The following CD300C variants were observed in gnomAD, a reference collection of about 807,000 sequenced individuals.
CD300C encodes the protein CMRF35-like molecule 6.
A neutral mutation model predicts 18.4 loss-of-function variants in CD300C; 11 were observed. The observed-to-expected ratio is 0.60, with a 90% CI of 0.38 to 0.99. The LOEUF is 0.99. CD300C is among the 50% of genes least tolerant of loss of function. The pLI, the probability that CD300C is intolerant of heterozygous loss-of-function variation, is 0.01. For missense variants in CD300C, 277 were observed against 287.4 expected, an observed-to-expected ratio of 0.96 and a Z score of 0.26; for synonymous variants, 116 against 116.3, an observed-to-expected ratio of 1.00 and a Z score of 0.02.
At chr17:74,535,929 CAT>C in the CD300C span, among the ~76,000 whole-genome samples, 1 of 152,060 alleles carries the variant, frequency 6.6e-6, no homozygotes, top group Admixed American at 6.6e-5. Context: ...TCCAAGCAGA[CAT>C]AGAAATAAAC....
rs1312098540 is a variant in CD300C, at chr17:74,542,907, G to A, written c.481C>T (p.Pro161Ser). The A allele has an allele frequency of 6.2e-7, 1 of 1,611,848 alleles. No individual in the cohort carries two copies. Among genetic ancestry groups the A allele is most frequent in the South Asian group, 1.1e-5 (1 of 91,044 alleles). The change falls in exon 3 of 4, where the codon CCC (proline) becomes TCC (serine). Residue 161 changes from proline to serine, a missense_variant. Physicochemically the swap from Pro to Ser is moderately conservative, Grantham distance 74. Transcript: ENST00000330793. The stretch of plus-strand genomic sequence containing the variant: ...GGGCTGTCCTTTCTGGTCACGCTGG[G>A]CCAGGTGTGCACGGGCAGCTTCGTG... ...PPTKLPVHTW[P>S]SVTRKDSPEP...
At chr17:74,539,451 T>C (rs1908475884), downstream of CD300C, among the ~76,000 whole-genome samples, 1 of 152,116 alleles carries the variant, frequency 6.6e-6, no homozygotes. Flanking sequence ...TGACCTGGTC[T>C]CCCCTTCTGC....
rs1010942634 is a variant in CD300C, at chr17:74,541,308, G to C, written c.*281C>G. On this transcript the variant is annotated 3_prime_UTR_variant, in exon 4 of 4. Coordinates refer to ENST00000330793, the MANE Select transcript of CD300C (RefSeq NM_006678.5). The stretch of plus-strand genomic sequence containing the variant: ...TGCCAGGCTCCTGGAGAAATGGAAG[G>C]GTGCAGGGAGGGCATCCGGGCACTC... 2.9e-6 allele frequency: 1 copy of C among 346,046 alleles called. No individual in the cohort carries two copies. The highest frequency in any genetic ancestry group is 2.1e-5 in the African/African-American group (1 of 48,142). 21.4% of individuals were successfully genotyped at this position (346,046 alleles called of 1,614,324 possible). A position where few individuals can be genotyped will look rare whatever the true frequency, so the allele number is the denominator to read the frequency against.
chr17:74,544,591 A>C lies in CD300C; in HGVS notation c.400+18T>G, dbSNP rs1908680802. 1 of 1,599,116 alleles carries C rather than the reference A, an allele frequency of 6.3e-7. No homozygotes were observed. Among genetic ancestry groups the C allele is most frequent in the African/African-American group, 1.3e-5 (1 of 74,718 alleles). ...CTAGGCTCAGGCAGGCCTGGTGCTG[A>C]GAAAAGGAGGGGCTCACCCGGGAAC... is the stretch of plus-strand genomic sequence containing the variant. On this transcript the variant is annotated intron_variant, in intron 2 of 3. Coordinates refer to ENST00000330793, the MANE Select transcript of CD300C (RefSeq NM_006678.5).
In CD300C at chr17:74,542,878, T is replaced by C; in HGVS notation, c.510A>G (p.Glu170=). The C allele has an allele frequency of 6.2e-7, 1 of 1,608,212 alleles. No homozygotes were observed. The highest frequency in any genetic ancestry group is 8.5e-7 in the Non-Finnish European group (1 of 1,179,946). ...WPSVTRKDSP[E]PSPHPGSLFS... ...CACCTTACCCAGGGTGTGGGCTGGGTTCGGGGCTGTCCTTTCTGGTCACGC... is the reference window on the plus strand; with the variant it reads ...CACCTTACCCAGGGTGTGGGCTGGGCTCGGGGCTGTCCTTTCTGGTCACGC... Residue 170 remains glutamate (E), a synonymous_variant, in exon 3 of 4, where the codon GAA becomes GAG. Coordinates refer to ENST00000330793, the MANE Select transcript of CD300C (RefSeq NM_006678.5).
chr17:74,543,012 T>TTGA (rs776789492), intron 2 of CD300C, 25 bp from the exon 3 acceptor site: 239 of 1,612,512 alleles, frequency 1.5e-4, no homozygotes, highest in Non-Finnish European at 1.9e-4. Context: ...CAGGTCAACC[T>TTGA]TGATGACATC....
At chr17:74,545,389 TGA>T (rs1344354290) in intron 1 of CD300C, among the ~76,000 whole-genome samples, 1 of 151,838 alleles carries the variant, frequency 6.6e-6, no homozygotes, top group South Asian at 2.1e-4. Context: ...TGAGACTGTG[TGA>T]GTGTGACCGT....
At chr17:74,543,133 C>A in intron 2 of CD300C, 146 bp from the exon 3 acceptor site, 2 of 1,061,910 alleles carry the variant, frequency 1.9e-6, no homozygotes, top group East Asian at 4.9e-5. Context: ...CGGCCACACC[C>A]AGGCCTGACC....
Position 74,545,843 on chromosome 17 carries a change from C to G in CD300C, c.-61G>C. The stretch of plus-strand genomic sequence containing the variant: ...ACCCCAGGAGGGGACAAAATGTAAT[C>G]TCCTCCCAGCAGATCTGAGCTTCGC... On this transcript the variant is annotated 5_prime_UTR_variant, in exon 1 of 4. Transcript: ENST00000330793. The G allele has an allele frequency of 7.8e-7, 1 of 1,282,394 alleles. No homozygotes were observed. The highest frequency in any genetic ancestry group is 1.1e-6 in the Non-Finnish European group (1 of 898,980). 79.4% of individuals were successfully genotyped at this position (1,282,394 alleles called of 1,614,324 possible). A position where few individuals can be genotyped will look rare whatever the true frequency, so the allele number is the denominator to read the frequency against.
At chr17:74,544,342 C>G (rs1302338231) in intron 2 of CD300C, among the ~76,000 whole-genome samples, 1 of 152,198 alleles carries the variant, frequency 6.6e-6, no homozygotes, top group Non-Finnish European at 1.5e-5. Flanking sequence ...AGCGGGGGGT[C>G]TCCAGCCACA....
rs146418916 is a variant in CD300C at position 74,544,759 on chromosome 17, T to G, written c.250A>C (p.Ile84Leu). Residue 84 changes from isoleucine to leucine, a missense_variant, in exon 2 of 4, where the codon ATC becomes CTC. Physicochemically the swap from Ile to Leu is conservative, Grantham distance 5. Coordinates refer to ENST00000330793, the MANE Select transcript of CD300C (RefSeq NM_006678.5). ...CTGAGGTTTGCAGGACTGTCCCTGA[T>G]GGACACTCGGCCATTCCTTTTCCCT... ...SAGKRNGRVS[I>L]RDSPANLSFT... is the part of the protein sequence containing the mutation. 1.2e-5 allele frequency: 19 copies of G among 1,614,144 alleles called. No individual in the cohort carries two copies. In the Admixed American group the frequency reaches 1.3e-4, roughly 11 times the overall value.
intron 3 of CD300C, 45 bp downstream of exon 3, chr17:74,542,816 G>A (rs764762174): frequency 9.5e-6 from 15 of 1,574,522 alleles, no homozygotes; most frequent in Non-Finnish European, 1.3e-5. Context: ...CACACGCAGT[G>A]GGGAGGCCGC....
chr17:74,536,394 G>T (rs148317363), downstream of CD300C, among the ~76,000 whole-genome samples: 3 of 151,940 alleles, frequency 2.0e-5, no homozygotes, highest in Non-Finnish European at 2.9e-5. Flanking sequence ...TTAGCAGGAC[G>T]TGGTGGTGGG....
Position 74,541,642 on chromosome 17 carries a change from G to T in CD300C, c.622C>A (p.Pro208Thr). ...TGCCTGCTTCTAGAGCTTCTCTGAG[G>T]TCTGTTCACCCAGAGGACGGCACCC... ...MLGAVLWVNR[P>T]QRSSRSRQNW... The change falls in exon 4 of 4, where the codon CCT becomes ACT. Residue 208 changes from proline (P) to threonine (T), a missense_variant. Coordinates refer to ENST00000330793, the MANE Select transcript of CD300C (RefSeq NM_006678.5). 1 of 1,613,954 alleles carries T rather than the reference G, an allele frequency of 6.2e-7. No homozygotes were observed. The highest frequency in any genetic ancestry group is 8.5e-7 in the Non-Finnish European group (1 of 1,179,874).
chr17:74,538,802 G>A (rs113703962), downstream of CD300C, among the ~76,000 whole-genome samples: 14,332 of 152,278 alleles, frequency 0.094, 2,168 homozygotes, highest in African/African-American at 0.32. Context: ...CCTCTTCACA[G>A]ATAAACTGGC....
intron 2 of CD300C, 73 bp downstream of exon 2, chr17:74,544,536 C>T (rs1256302895): frequency 1.3e-6 from 2 of 1,523,360 alleles, no homozygotes. Flanking sequence ...TCCTGTTCCA[C>T]TTCTTTCTTC....
Position 74,541,155 on chromosome 17 carries a change from A to C in CD300C, c.*434T>G, listed in dbSNP as rs1192536180. The C allele has an allele frequency of 5.9e-6, 1 of 168,174 alleles. No individual in the cohort carries two copies. The allele number at this position is 168,174 out of a possible 1,614,324, so 10.4% of individuals were successfully genotyped here. A position where few individuals can be genotyped will look rare whatever the true frequency, so the allele number is the denominator to read the frequency against. On this transcript the variant is annotated 3_prime_UTR_variant, in exon 4 of 4. Transcript: ENST00000330793. ...AGTTTGAAAGCATCATTGAATCGAC[A>C]CACTCAGCAAATGGAAGCAGCCGCA...
chr17:74,536,582 A>C (rs576654956), downstream of CD300C, among the ~76,000 whole-genome samples: 1 of 152,154 alleles, frequency 6.6e-6, no homozygotes, highest in South Asian at 2.1e-4. Context: ...AAGTAGATGA[A>C]GATTAGAAGA....
At position 74,544,906 on chromosome 17, in the gene CD300C, C is replaced by T. The variant is rs763418394; in HGVS notation, c.103G>A (p.Val35Met). The change falls in exon 2 of 4, where the codon GTG becomes ATG. Residue 35 changes from valine to methionine, a missense_variant. By Grantham distance (21) the Val-to-Met change is conservative (BLOSUM62 1). Transcript: ENST00000330793. ...CACTGCACACTCAGGGATCCCCCCA[C>T]GGGGCCCGCCACGGTCATGGGGTGG... Reference protein sequence around the residue: ...LSHPMTVAGPVGGSLSVQCRY... With the variant: ...LSHPMTVAGPMGGSLSVQCRY... The T allele has an allele frequency of 6.3e-7, 1 of 1,595,904 alleles. No individual in the cohort carries two copies. Among genetic ancestry groups the T allele is most frequent in the Non-Finnish European group, 8.5e-7 (1 of 1,172,262 alleles).
Sources: gnomAD v4.1 joint callset for allele counts (sites outside exome capture counted in the v4.1 genomes callset) on GRCh38, gnomAD v4.1.1 for gene constraint, MANE v1.5 for transcripts, NCBI Gene and HGNC (gene_info 2026-07-23, HGNC 2026-07-21) for gene names.